PEX7: variants seen among roughly 807,000 people sequenced by gnomAD.
The protein encoded by PEX7 is peroxisomal biogenesis factor 7.
A neutral mutation model predicts 47.5 loss-of-function variants in PEX7; 34 were observed. The ratio of observed to expected loss-of-function variants is 0.72; its 90% CI spans 0.54 to 0.95. PEX7 has a LOEUF of 0.95. PEX7 is among the 40% of genes least tolerant of loss of function. PEX7 has a pLI of 0.00. For synonymous variants in PEX7, 141 were observed against 148.8 expected, an observed-to-expected ratio of 0.95 and a Z score of 0.38; for missense variants, 394 against 400.3, an observed-to-expected ratio of 0.98 and a Z score of 0.13.
At chr6:136,889,241 A>T (rs1428341618) in intron 8 of PEX7, among the ~76,000 whole-genome samples, 1 of 152,224 alleles carries the variant, frequency 6.6e-6, no homozygotes. Context: ...AGTGAAGTAT[A>T]CTTTTGTAAG....
At position 136,887,921 on chromosome 6, in the gene PEX7, G is replaced by A. The variant is rs532982548; in HGVS notation, c.804-10221G>A. 9.2e-5 allele frequency among the ~76,000 whole-genome samples: 14 copies of A among 152,060 alleles called. No individual in the cohort carries two copies. In the East Asian group the frequency reaches 2.5e-3, roughly 27 times the overall value. ...GTAAACTTAAAATCTTAAAGCAGAG[G>A]ATGCAGAAATACCTTTTATCTTTGT... On this transcript the variant is annotated intron_variant, in intron 8 of 9. Coordinates refer to ENST00000318471, the MANE Select transcript of PEX7 (RefSeq NM_000288.4).
intron 9 of PEX7, among the ~76,000 whole-genome samples, chr6:136,909,463 A>G (rs947000479): frequency 9.2e-5 from 14 of 152,328 alleles, no homozygotes; most frequent in Non-Finnish European, 1.8e-4. Flanking sequence ...AAGCCATTGC[A>G]GTGGCAGTGA....
At chr6:136,882,164 CTCT>C (rs1449681291) in intron 8 of PEX7, among the ~76,000 whole-genome samples, 43 of 147,562 alleles carry the variant, frequency 2.9e-4, no homozygotes, top group Non-Finnish European at 4.5e-4. Context: ...GCTTTTCCCC[CTCT>C]TCTTCTTCTT....
intron 5 of PEX7, among the ~76,000 whole-genome samples, chr6:136,856,027 A>G (rs1255569921): frequency 1.3e-5 from 2 of 152,086 alleles, no homozygotes; most frequent in African/African-American, 4.8e-5. Flanking sequence ...CATAGCATTG[A>G]CTCTGGATAG....
intron 9 of PEX7, among the ~76,000 whole-genome samples, chr6:136,907,746 AC>A (rs1317536020): frequency 1.3e-5 from 2 of 152,164 alleles, no homozygotes; most frequent in Non-Finnish European, 2.9e-5. Flanking sequence ...GAGATAAGTT[AC>A]CTTATCAGTT....
At chr6:136,858,747 A>G (rs1774907454) in intron 5 of PEX7, among the ~76,000 whole-genome samples, 2 of 152,162 alleles carry the variant, frequency 1.3e-5, no homozygotes, top group Admixed American at 6.5e-5. Flanking sequence ...CTCTTTTTTT[A>G]AAAATCTACA....
chr6:136,866,404 A>G (rs986744853), intron 5 of PEX7, among the ~76,000 whole-genome samples: 1 of 152,100 alleles, frequency 6.6e-6, no homozygotes, highest in African/African-American at 2.4e-5. Context: ...GTGAGATTCA[A>G]ATTTTCCTCC....
In PEX7 at chr6:136,824,927, C is replaced by T. The variant is rs147452820; in HGVS notation, c.131-287C>T. On this transcript the variant is annotated intron_variant, in intron 1 of 9. Transcript: ENST00000318471. ...AGTAGGCCCTTAAGTATTTCACCCCCCTGTTAGGTCCATGTCTGAATTCCA... is the reference window on the plus strand; with the variant it reads ...AGTAGGCCCTTAAGTATTTCACCCCTCTGTTAGGTCCATGTCTGAATTCCA... Among the ~76,000 whole-genome samples the T allele has an allele frequency of 9.8e-5, 15 of 152,290 alleles. No homozygotes were observed. The East Asian group carries it at 2.7e-3, about 27-fold the overall frequency.
chr6:136,881,690 A>G (rs1225545826), intron 8 of PEX7, among the ~76,000 whole-genome samples: 1 of 152,210 alleles, frequency 6.6e-6, no homozygotes, highest in Admixed American at 6.5e-5. Flanking sequence ...GTTCTCAGGA[A>G]TGTTTGTTAA....
At position 136,913,560 on chromosome 6, in the gene PEX7, G is replaced by A; in HGVS notation, c.*34G>A. ...ACTTTGGTCAGAAACAGAGGATGTT[G>A]GCTGAAGAACTGCCTAACAGCAAAT... is the stretch of plus-strand genomic sequence containing the variant. On this transcript the variant is annotated 3_prime_UTR_variant, in exon 10 of 10. Transcript: ENST00000318471. 3 of 1,393,102 alleles carry A rather than the reference G, an allele frequency of 2.2e-6. No homozygotes were observed. Among genetic ancestry groups the A allele is most frequent in the Non-Finnish European group, 3.1e-6 (3 of 979,330 alleles). 86.3% of individuals were successfully genotyped at this position (1,393,102 alleles called of 1,614,324 possible). A position where few individuals can be genotyped will look rare whatever the true frequency, so the allele number is the denominator to read the frequency against.
intron 8 of PEX7, among the ~76,000 whole-genome samples, chr6:136,885,416 TA>T (rs1166135686): frequency 2.0e-5 from 3 of 152,176 alleles, no homozygotes; most frequent in Non-Finnish European, 4.4e-5. Context: ...AAGAAAAATA[TA>T]AAGTGAATTT....
rs58922622 is a variant in PEX7, at chr6:136,837,361, C to CA, written c.340-8240dup. Among the ~76,000 whole-genome samples the CA allele has an allele frequency of 5.9e-3, 491 of 83,428 alleles. 45 individuals are homozygous for CA. The East Asian group carries it at 0.088, about 15-fold the overall frequency. The allele number at this position is 83,428 out of a possible 152,430, so 54.7% of individuals were successfully genotyped here. A position where few individuals can be genotyped will look rare whatever the true frequency, so the allele number is the denominator to read the frequency against. On this transcript the variant is annotated intron_variant, in intron 3 of 9. Transcript: ENST00000318471. ...TGGGCGACAGAGTGAGAGTCTGTCA[C>CA]AAAAAAAAAAAAAAGAAACTGAAAG... is the stretch of plus-strand genomic sequence containing the variant.
chr6:136,853,879 G>A (rs1774806704), intron 5 of PEX7, among the ~76,000 whole-genome samples: 1 of 152,152 alleles, frequency 6.6e-6, no homozygotes, highest in African/African-American at 2.4e-5. Context: ...AGTACACACT[G>A]TCGACTTATA....
intron 3 of PEX7, among the ~76,000 whole-genome samples, chr6:136,837,092 C>G (rs185100017): frequency 1.3e-5 from 2 of 151,380 alleles, no homozygotes; most frequent in African/African-American, 4.9e-5. Flanking sequence ...GTTTTAGCCG[C>G]GCTTACGCCT....
rs368225510 is a variant in PEX7 at position 136,826,461 on chromosome 6, G to T, written c.331G>T (p.Ala111Ser). 2.5e-6 allele frequency: 4 copies of T among 1,613,832 alleles called. No individual in the cohort carries two copies. In the South Asian group the frequency reaches 3.3e-5, roughly 13 times the overall value. Residue 111 changes from alanine (A) to serine (S), a missense_variant, in exon 3 of 10, where the codon GCT becomes TCT. Ala to Ser is a moderately conservative substitution (Grantham distance 99). Transcript: ENST00000318471. ...AGPLQVYKEH[A>S]QEVYSVDWSQ... ...GCCACTGCAAGTCTATAAAGAACACGCTCAGGAGGTAGGAGGGAAATCTTT... is the reference window on the plus strand; with the variant it reads ...GCCACTGCAAGTCTATAAAGAACACTCTCAGGAGGTAGGAGGGAAATCTTT...
At chr6:136,847,973 A>G (rs1337683167) in intron 5 of PEX7, among the ~76,000 whole-genome samples, 1 of 152,228 alleles carries the variant, frequency 6.6e-6, no homozygotes, top group East Asian at 1.9e-4. Flanking sequence ...CTTCCTATCA[A>G]TAAGCATAGA....
chr6:136,866,531 C>T, intron 5 of PEX7, 96 bp from the exon 6 acceptor site: 2 of 963,328 alleles, frequency 2.1e-6, no homozygotes, highest in Non-Finnish European at 3.3e-6. Flanking sequence ...ACACTGAAAG[C>T]AGTGTATTTT....
In PEX7 at chr6:136,898,258, C is replaced by T; in HGVS notation, c.903+17C>T. On this transcript the variant is annotated intron_variant, in intron 9 of 9. Coordinates refer to ENST00000318471, the MANE Select transcript of PEX7 (RefSeq NM_000288.4). The stretch of plus-strand genomic sequence containing the variant: ...CCCACTCAGGTAACGGATACAATCT[C>T]ATGATATTCTCTTCTGCCCAAGTTC... The T allele has an allele frequency of 7.1e-7, 1 of 1,417,016 alleles. No individual in the cohort carries two copies. 87.8% of individuals were successfully genotyped at this position (1,417,016 alleles called of 1,614,324 possible). A position where few individuals can be genotyped will look rare whatever the true frequency, so the allele number is the denominator to read the frequency against.
In PEX7 at chr6:136,869,987, C is replaced by A; in HGVS notation, c.731C>A (p.Ala244Asp). 1 of 1,602,594 alleles carries A rather than the reference C, an allele frequency of 6.2e-7. No individual in the cohort carries two copies. ...TTTGAACTTCTTGGTCATACCTATG[C>A]TATTAGGAGGGTGAAAGTAAGTTTT... ...PVFELLGHTYAIRRVKFSPFH... is the reference protein window; with the variant it reads ...PVFELLGHTYDIRRVKFSPFH... The change falls in exon 7 of 10, where the codon GCT (alanine) becomes GAT (aspartate). Residue 244 changes from alanine (A) to aspartate (D), a missense_variant. Coordinates refer to ENST00000318471, the MANE Select transcript of PEX7 (RefSeq NM_000288.4).
Sources: allele counts gnomAD v4.1 joint callset (sites outside exome capture counted in the v4.1 genomes callset), GRCh38; gene constraint gnomAD v4.1.1; transcripts MANE v1.5; gene names NCBI Gene and HGNC (gene_info 2026-07-23, HGNC 2026-07-21).